Variants in RAB3A observed in about 807,000 individuals in gnomAD.
The protein encoded by RAB3A is RAB3A, member RAS oncogene family.
Under a neutral mutation model 19.7 loss-of-function variants are expected in RAB3A, and 5 were observed. The observed-to-expected ratio is 0.25, with a 90% CI of 0.13 to 0.53. RAB3A has a LOEUF of 0.53. Among genes scored for constraint, RAB3A ranks in the 20% least tolerant of loss-of-function variants. The pLI is 0.95. For synonymous variants in RAB3A, 119 were observed against 122.1 expected, an observed-to-expected ratio of 0.97 and a Z score of 0.17; for missense variants, 189 against 305.6, an observed-to-expected ratio of 0.62 and a Z score of 2.85.
chr19:18,197,456 G>C lies in RAB3A; in HGVS notation c.*14C>G, dbSNP rs772917458. ...GGGAAGACAGGGAAGAGGGGAAAGG[G>C]AGTGGGATGGCTCTCAGCAGGCGCA... is the stretch of plus-strand genomic sequence containing the variant. On this transcript the variant is annotated 3_prime_UTR_variant, in exon 5 of 5. Transcript: ENST00000222256. The C allele has an allele frequency of 5.0e-6, 8 of 1,604,906 alleles. No individual in the cohort carries two copies. The African/African-American group carries it at 1.1e-4, about 21-fold the overall frequency.
rs1351392641 is a variant in RAB3A at position 18,197,464 on chromosome 19, T to A, written c.*6A>T. On this transcript the variant is annotated 3_prime_UTR_variant, in exon 5 of 5. Transcript: ENST00000222256. ...AGGGAAGAGGGGAAAGGGAGTGGGATGGCTCTCAGCAGGCGCAGTCCTGGT... is the reference window on the plus strand; with the variant it reads ...AGGGAAGAGGGGAAAGGGAGTGGGAAGGCTCTCAGCAGGCGCAGTCCTGGT... 8 of 1,606,876 alleles carry A rather than the reference T, an allele frequency of 5.0e-6. No individual in the cohort carries two copies. The highest frequency in any genetic ancestry group is 6.8e-6 in the Non-Finnish European group (8 of 1,176,140).
intron 3 of RAB3A, 152 bp from the exon 4 acceptor site, chr19:18,199,001 C>T: frequency 1.1e-6 from 1 of 947,962 alleles, no homozygotes; most frequent in East Asian, 2.7e-5. Flanking sequence ...CCAATGTGCC[C>T]CGCTTTCACC....
At position 18,198,747 on chromosome 19, in the gene RAB3A, G is replaced by A. The variant is rs370570474; in HGVS notation, c.450C>T (p.Gly150=). ...EDERVVSSER[G]RQLADHLGFE... is the part of the protein sequence containing the mutation. Reference sequence around the variant, plus strand: ...CACCAAGGTGGTCAGCTAGCTGCCGGCCACGTTCTGATGACACCACCCGCT... The same window carrying A: ...CACCAAGGTGGTCAGCTAGCTGCCGACCACGTTCTGATGACACCACCCGCT... Residue 150 remains glycine (G), a synonymous_variant, in exon 4 of 5, where the codon GGC becomes GGT. Coordinates refer to ENST00000222256, the MANE Select transcript of RAB3A (RefSeq NM_002866.5). 32 of 1,613,986 alleles carry A rather than the reference G, an allele frequency of 2.0e-5. No homozygotes were observed. Among genetic ancestry groups the A allele is most frequent in the Non-Finnish European group, 2.4e-5 (28 of 1,180,028 alleles).
intron 1 of RAB3A, among the ~76,000 whole-genome samples, chr19:18,203,418 C>T (rs941705218): frequency 6.6e-6 from 1 of 152,202 alleles, no homozygotes; most frequent in Admixed American, 6.5e-5. Context: ...ATCACCCACA[C>T]GGACACGGAT....
intron 3 of RAB3A, among the ~76,000 whole-genome samples, chr19:18,199,155 C>T (rs1967574969): frequency 6.6e-6 from 1 of 152,046 alleles, no homozygotes; most frequent in African/African-American, 2.4e-5. Flanking sequence ...AGCCACCCAG[C>T]CCAGAAATTT....
chr19:18,202,570 G>A lies in RAB3A; in HGVS notation c.171C>T (p.Ile57=), dbSNP rs1967627483. The A allele has an allele frequency of 1.2e-6, 2 of 1,614,084 alleles. No homozygotes were observed. Among genetic ancestry groups the A allele is most frequent in the East Asian group, 2.2e-5 (1 of 44,892 alleles). Residue 57 remains isoleucine, a synonymous_variant, in exon 2 of 5, where the codon ATC becomes ATT. Coordinates refer to ENST00000222256, the MANE Select transcript of RAB3A (RefSeq NM_002866.5). The surrounding 1 kb of genome is among the most constrained non-coding windows in gnomAD (Gnocchi z 4.2). The part of the protein sequence containing the change: ...FTPAFVSTVG[I]DFKVKTIYRN... ...GATAGATGGTCTTGACCTTGAAGTC[G>A]ATGCCCACGGTGCTGACGAAGGCAG...
At chr19:18,200,478 C>A (rs1243475181) in intron 2 of RAB3A, 33 bp from the exon 3 acceptor site, 8 of 1,551,558 alleles carry the variant, frequency 5.2e-6, no homozygotes, top group Non-Finnish European at 7.1e-6. Context: ...CAGAGAGGAC[C>A]TGCACATAAG....
At position 18,197,163 on chromosome 19, in the gene RAB3A, T is replaced by TA. The variant is rs1219089843; in HGVS notation, c.*306dup. 1.2e-5 allele frequency: 3 copies of TA among 259,156 alleles called. No individual in the cohort carries two copies. The highest frequency in any genetic ancestry group is 9.5e-5 in the African/African-American group (2 of 21,100). 16.1% of individuals were successfully genotyped at this position (259,156 alleles called of 1,614,324 possible). ...GACAACTGTGGATGGGGGTGAATTT[T>TA]AAAAAAAGGCGGGGGGGGGGGGTTC... On this transcript the variant is annotated 3_prime_UTR_variant, in exon 5 of 5. Coordinates refer to ENST00000222256, the MANE Select transcript of RAB3A (RefSeq NM_002866.5).
chr19:18,199,406 C>T (rs1426450193), intron 3 of RAB3A, among the ~76,000 whole-genome samples: 1 of 152,096 alleles, frequency 6.6e-6, no homozygotes, highest in African/African-American at 2.4e-5. Flanking sequence ...CTACCCACCT[C>T]GGCCTCCCAA....
chr19:18,198,029 C>T (rs1967556683), intron 4 of RAB3A, among the ~76,000 whole-genome samples: 1 of 151,994 alleles, frequency 6.6e-6, no homozygotes, highest in African/African-American at 2.4e-5. Context: ...AGGTGTGAGC[C>T]AGCGCACCTG....
chr19:18,200,229 G>A (rs1967588658), intron 3 of RAB3A, 98 bp downstream of exon 3: 1 of 992,750 alleles, frequency 1.0e-6, no homozygotes, highest in African/African-American at 1.6e-5. Flanking sequence ...GCTGCAGTGA[G>A]CCCTGATCGT....
intron 4 of RAB3A, among the ~76,000 whole-genome samples, chr19:18,197,873 C>CTTTTT (rs56264905): frequency 1.1e-5 from 1 of 90,160 alleles, no homozygotes; most frequent in South Asian, 3.4e-4. Context: ...GCATTTCCTG[C>CTTTTT]TTTTTTTTTT....
chr19:18,199,827 C>G (rs967804597), intron 3 of RAB3A, among the ~76,000 whole-genome samples: 1 of 152,100 alleles, frequency 6.6e-6, no homozygotes, highest in East Asian at 1.9e-4. Flanking sequence ...CCCGGCCATG[C>G]CAACTCTCCT....
chr19:18,197,456 G>T lies in RAB3A; in HGVS notation c.*14C>A, dbSNP rs772917458. 2 of 1,605,024 alleles carry T rather than the reference G, an allele frequency of 1.2e-6. No homozygotes were observed. The highest frequency in any genetic ancestry group is 1.1e-5 in the South Asian group (1 of 90,624). ...GGGAAGACAGGGAAGAGGGGAAAGG[G>T]AGTGGGATGGCTCTCAGCAGGCGCA... On this transcript the variant is annotated 3_prime_UTR_variant, in exon 5 of 5. Transcript: ENST00000222256.
Position 18,203,924 on chromosome 19 carries a change from C to A in RAB3A, c.-29G>T. 6.4e-6 allele frequency: 1 copy of A among 155,926 alleles called. No homozygotes were observed. Among genetic ancestry groups the A allele is most frequent in the South Asian group, 1.6e-4 (1 of 6,294 alleles). The allele number at this position is 155,926 out of a possible 1,614,324, so 9.7% of individuals were successfully genotyped here. A position where few individuals can be genotyped will look rare whatever the true frequency, so the allele number is the denominator to read the frequency against. On this transcript the variant is annotated 5_prime_UTR_variant, in exon 1 of 5. It adds an upstream start codon to the 5' untranslated region. Coordinates refer to ENST00000222256, the MANE Select transcript of RAB3A (RefSeq NM_002866.5). ...GCCCTGCACCGATGCAACGGCGACC[C>A]TAGCGGCGGTGACTTTTTTGGCGGT...
intron 2 of RAB3A, among the ~76,000 whole-genome samples, chr19:18,200,877 G>A (rs1049583387): frequency 2.0e-5 from 3 of 152,266 alleles, no homozygotes; most frequent in Admixed American, 2.0e-4. Context: ...AGAGGTTGCA[G>A]TGAGGTGAGA....
chr19:18,200,515 TATC>T, intron 2 of RAB3A, 70 bp from the exon 3 acceptor site: 1 of 1,297,654 alleles, frequency 7.7e-7, no homozygotes, highest in Non-Finnish European at 1.1e-6. Flanking sequence ...TGAGCTCTGA[TATC>T]ATCCAGTTCA....
Position 18,202,961 on chromosome 19 carries a change from C to T in RAB3A, c.1-221G>A. On this transcript the variant is annotated intron_variant, in intron 1 of 4. Coordinates refer to ENST00000222256, the MANE Select transcript of RAB3A (RefSeq NM_002866.5). This position sits in a 1 kb window ranked among gnomAD's most constrained non-coding sequence, Gnocchi z 4.2. The stretch of plus-strand genomic sequence containing the variant: ...TCAGAGGAGGGGCTCAGAGGGTTGC[C>T]GATGGGGACACCCCAGCAGCCCCCT... 2 of 533,060 alleles carry T rather than the reference C, an allele frequency of 3.8e-6. No individual in the cohort carries two copies. Among genetic ancestry groups the T allele is most frequent in the Non-Finnish European group, 3.4e-6 (1 of 296,622 alleles). 33.0% of individuals were successfully genotyped at this position (533,060 alleles called of 1,614,324 possible).
At position 18,196,909 on chromosome 19, in the gene RAB3A, G is replaced by A. The variant is rs73925439; in HGVS notation, c.*561C>T. On this transcript the variant is annotated 3_prime_UTR_variant, in exon 5 of 5. Coordinates refer to ENST00000222256, the MANE Select transcript of RAB3A (RefSeq NM_002866.5). ...GGTCAGAACAGGTCTGGTGGGCGGG[G>A]GGGGGGGGGGTCCCAGGGTGGTGAA... The A allele has an allele frequency of 2.1e-5, 3 of 141,356 alleles. No individual in the cohort carries two copies. The highest frequency in any genetic ancestry group is 6.4e-5 in the Admixed American group (1 of 15,598). The allele number at this position is 141,356 out of a possible 1,614,324, so 8.8% of individuals were successfully genotyped here.
Sources: gnomAD v4.1 joint callset for allele counts (sites outside exome capture counted in the v4.1 genomes callset) on GRCh38, gnomAD v4.1.1 for gene constraint, Gnocchi (gnomAD v3.1) non-coding constraint, MANE v1.5 for transcripts, NCBI Gene and HGNC (gene_info 2026-07-23, HGNC 2026-07-21) for gene names.